WDR11: variants seen among roughly 807,000 people sequenced by gnomAD.
The protein encoded by WDR11 is WD repeat-containing protein 11.
Under a neutral mutation model 151.2 loss-of-function variants are expected in WDR11, and 83 were observed. That is an observed-to-expected ratio of 0.55 (90% CI 0.46 to 0.66). The LOEUF (loss-of-function observed/expected upper bound fraction) is 0.66. Among genes scored for constraint, WDR11 ranks in the 30% least tolerant of loss-of-function variants. WDR11 has a pLI of 0.00. For synonymous variants in WDR11, 484 were observed against 533.1 expected (o/e 0.91, Z 1.27); for missense variants, 1,301 against 1,480.9 (o/e 0.88, Z 1.99).
intron 28 of WDR11, chr10:120,908,339 A>G (rs997179392): frequency 3.5e-6 from 2 of 575,154 alleles, no homozygotes; most frequent in African/African-American, 1.9e-5. Flanking sequence ...TACGAAAGGT[A>G]ATGATGGTAC....
At chr10:120,873,626 G>A (rs1359354808) in intron 10 of WDR11, among the ~76,000 whole-genome samples, 4 of 152,182 alleles carry the variant, frequency 2.6e-5, no homozygotes, top group African/African-American at 9.7e-5. Context: ...ATTAGGCAAG[G>A]CTTTTGAGCA....
intron 2 of WDR11, among the ~76,000 whole-genome samples, chr10:120,857,135 A>G (rs1052560230): frequency 2.2e-4 from 34 of 152,174 alleles, no homozygotes; most frequent in African/African-American, 6.8e-4. Context: ...TCATACTTAG[A>G]AACGGTAGGC....
chr10:120,904,778 G>C lies in WDR11; in HGVS notation c.3160G>C (p.Ala1054Pro). 1 of 1,614,136 alleles carries C rather than the reference G, an allele frequency of 6.2e-7. No individual in the cohort carries two copies. Among genetic ancestry groups the C allele is most frequent in the Non-Finnish European group, 8.5e-7 (1 of 1,180,022 alleles). The part of the protein sequence containing the change: ...GPSQSTIKLV[A>P]TNMIANGKLA... ...CTCTCAGAGCACCATTAAGTTGGTG[G>C]CAACGAATATGATTGCCAATGGCAA... is the stretch of plus-strand genomic sequence containing the variant. Residue 1054 changes from alanine (A) to proline (P), a missense_variant, in exon 25 of 29, where the codon GCA becomes CCA. Around this residue, in one of 3 missense-constraint regions of WDR11, gnomAD observed 589 missense variants for 670.6 expected, o/e 0.88. Coordinates refer to ENST00000263461, the MANE Select transcript of WDR11 (RefSeq NM_018117.12).
intron 19 of WDR11, among the ~76,000 whole-genome samples, chr10:120,892,845 C>A (rs1409035457): frequency 5.3e-5 from 8 of 152,016 alleles, no homozygotes; most frequent in Non-Finnish European, 1.0e-4. Context: ...ACACAAAGAG[C>A]CATCAAAATA....
In WDR11 at chr10:120,865,207, T is replaced by G; in HGVS notation, c.874T>G (p.Leu292Val). 5 of 1,613,786 alleles carry G rather than the reference T, an allele frequency of 3.1e-6. No individual in the cohort carries two copies. Among genetic ancestry groups the G allele is most frequent in the Non-Finnish European group, 4.2e-6 (5 of 1,179,736 alleles). The change falls in exon 6 of 29, where the codon TTA (leucine) becomes GTA (valine). Residue 292 changes from leucine (L) to valine (V), a missense_variant. Around this residue, in one of 3 missense-constraint regions of WDR11, gnomAD observed 692 missense variants for 762.5 expected, o/e 0.91. Coordinates refer to ENST00000263461, the MANE Select transcript of WDR11 (RefSeq NM_018117.12). Reference sequence around the variant, plus strand: ...AATAGAACGCACAGGAGTTCCATTTTTACAGGTATCTACAATTCATAAATT... The same window carrying G: ...AATAGAACGCACAGGAGTTCCATTTGTACAGGTATCTACAATTCATAAATT... ...IAIERTGVPFLQVIPCFQRDG... is the reference protein window; with the variant it reads ...IAIERTGVPFVQVIPCFQRDG...
intron 11 of WDR11, 84 bp from the exon 12 acceptor site, chr10:120,878,269 T>C: frequency 8.9e-7 from 1 of 1,119,976 alleles, no homozygotes; most frequent in Non-Finnish European, 1.3e-6. Flanking sequence ...AATTTAGGTC[T>C]TTGGAAAACT....
intron 18 of WDR11, 80 bp downstream of exon 18, chr10:120,890,089 A>G: frequency 1.0e-6 from 1 of 997,232 alleles, no homozygotes. Context: ...CTTCTTTCTG[A>G]TTTAGAAATG....
At chr10:120,864,127 C>T (rs954531572) in intron 5 of WDR11, among the ~76,000 whole-genome samples, 1 of 152,126 alleles carries the variant, frequency 6.6e-6, no homozygotes, top group African/African-American at 2.4e-5. Flanking sequence ...TGGACTCTTA[C>T]TACAATTCTG....
chr10:120,863,037 T>C (rs1451552337), intron 5 of WDR11, 116 bp downstream of exon 5: 1 of 751,092 alleles, frequency 1.3e-6, no homozygotes, highest in African/African-American at 1.8e-5. Flanking sequence ...ATTTCTAATT[T>C]TGAATTTATT....
intron 16 of WDR11, among the ~76,000 whole-genome samples, chr10:120,887,434 G>T (rs1209738873): frequency 6.6e-6 from 1 of 152,028 alleles, no homozygotes; most frequent in Non-Finnish European, 1.5e-5. Context: ...ATTAATGCAG[G>T]CTATTATAAT....
At chr10:120,903,319 A>G in intron 23 of WDR11, 87 bp downstream of exon 23, 1 of 1,502,114 alleles carries the variant, frequency 6.7e-7, no homozygotes, top group South Asian at 1.2e-5. Context: ...GGAAACTTTC[A>G]AACTAAGTTA....
In WDR11 at chr10:120,852,764, G is replaced by T; in HGVS notation, c.198+129G>T. 8 of 785,664 alleles carry T rather than the reference G, an allele frequency of 1.0e-5. No homozygotes were observed. In the South Asian group the frequency reaches 1.1e-4, roughly 11 times the overall value. 48.7% of individuals were successfully genotyped at this position (785,664 alleles called of 1,614,324 possible). ...TTTTAAATATAACAACCTATTTGGGGTAGCCTAGAATTTTCATATATATGA... is the reference window on the plus strand; with the variant it reads ...TTTTAAATATAACAACCTATTTGGGTTAGCCTAGAATTTTCATATATATGA... On this transcript the variant is annotated intron_variant, in intron 2 of 28. Coordinates refer to ENST00000263461, the MANE Select transcript of WDR11 (RefSeq NM_018117.12).
chr10:120,885,937 A>G lies in WDR11; in HGVS notation c.1972A>G (p.Ser658Gly). ...GAGTATTGTTGAATCATCTGTGATC[A>G]GGTACAGTACAGTGTTTCTTGACAC... ...ELSIVESSVI[S>G]LLQEAESKSE... Residue 658 changes from serine to glycine, a missense_variant and splice_region_variant, in exon 15 of 29, where the codon AGC (serine) becomes GGC (glycine). Coordinates refer to ENST00000263461, the MANE Select transcript of WDR11 (RefSeq NM_018117.12). 6.2e-7 allele frequency: 1 copy of G among 1,613,378 alleles called. No homozygotes were observed. Among genetic ancestry groups the G allele is most frequent in the South Asian group, 1.1e-5 (1 of 91,058 alleles).
chr10:120,905,890 T>C lies in WDR11; in HGVS notation c.3306T>C (p.Pro1102=). The change falls in exon 27 of 29, where the codon CCT becomes CCC. Residue 1102 remains proline, a synonymous_variant. Transcript: ENST00000263461. ...GTCTTTCTCAGGTCCGTTTGAATCCTGAGGAGTGTGCCGATGTTTTAAGGC... is the reference window on the plus strand; with the variant it reads ...GTCTTTCTCAGGTCCGTTTGAATCCCGAGGAGTGTGCCGATGTTTTAAGGC... ...AAWLAKVRLN[P]EECADVLRRW... 1 of 1,614,212 alleles carries C rather than the reference T, an allele frequency of 6.2e-7. No individual in the cohort carries two copies.
intron 19 of WDR11, among the ~76,000 whole-genome samples, chr10:120,896,857 TG>T (rs1409095847): frequency 6.6e-6 from 1 of 152,200 alleles, no homozygotes; most frequent in East Asian, 1.9e-4. Flanking sequence ...GTATGTTCCC[TG>T]GCTCTGCTCA....
At position 120,903,014 on chromosome 10, in the gene WDR11, G is replaced by A. The variant is rs373480833; in HGVS notation, c.2754-41G>A. The A allele has an allele frequency of 3.7e-6, 6 of 1,608,092 alleles. No individual in the cohort carries two copies. In the Admixed American group the frequency reaches 5.0e-5, roughly 13 times the overall value. On this transcript the variant is annotated intron_variant, in intron 22 of 28. Coordinates refer to ENST00000263461, the MANE Select transcript of WDR11 (RefSeq NM_018117.12). ...TACTCTAGGAAGCCATCCAGGCCAGGTGTGCTGAGTGCAGTCAAAACTTTG... is the reference window on the plus strand; with the variant it reads ...TACTCTAGGAAGCCATCCAGGCCAGATGTGCTGAGTGCAGTCAAAACTTTG...
rs1047460916 is a variant in WDR11 at position 120,909,338 on chromosome 10, G to A, written c.*625G>A. The A allele has an allele frequency of 4.6e-5, 7 of 153,348 alleles. No individual in the cohort carries two copies. The highest frequency in any genetic ancestry group is 1.0e-4 in the Non-Finnish European group (7 of 68,592). The allele number at this position is 153,348 out of a possible 1,614,324, so 9.5% of individuals were successfully genotyped here. A position where few individuals can be genotyped will look rare whatever the true frequency, so the allele number is the denominator to read the frequency against. Reference sequence around the variant, plus strand: ...GTTTAGTCCGATAGGTGAGGTCTTTGATATTTTGAATTTTAACTCCTTTTA... The same window carrying A: ...GTTTAGTCCGATAGGTGAGGTCTTTAATATTTTGAATTTTAACTCCTTTTA... On this transcript the variant is annotated 3_prime_UTR_variant, in exon 29 of 29. Coordinates refer to ENST00000263461, the MANE Select transcript of WDR11 (RefSeq NM_018117.12).
intron 22 of WDR11, 58 bp from the exon 23 acceptor site, chr10:120,902,997 G>T: frequency 8.9e-6 from 14 of 1,575,928 alleles, no homozygotes; most frequent in Non-Finnish European, 1.2e-5. Context: ...TCTACTCTAG[G>T]AAGCCATCCA....
chr10:120,878,525 G>A, intron 12 of WDR11, 66 bp downstream of exon 12: 1 of 1,319,494 alleles, frequency 7.6e-7, no homozygotes, highest in Non-Finnish European at 1.1e-6. Flanking sequence ...TATAAAACAT[G>A]TTTGAAAGTA....
Sources: gnomAD v4.1 joint callset for allele counts (sites outside exome capture counted in the v4.1 genomes callset) on GRCh38, gnomAD v4.1.1 for gene constraint, gnomAD v4.1.1 regional missense constraint, MANE v1.5 for transcripts, NCBI Gene and HGNC (gene_info 2026-07-23, HGNC 2026-07-21) for gene names.